Variants in CNTNAP5 observed in about 807,000 individuals in gnomAD.
CNTNAP5 encodes contactin associated protein family member 5.
Under a neutral mutation model 150.2 loss-of-function variants are expected in CNTNAP5, and 72 were observed. The observed-to-expected ratio is 0.48, with a 90% confidence interval of 0.40 to 0.58. The LOEUF (loss-of-function observed/expected upper bound fraction) is 0.58. CNTNAP5 is among the 20% of genes least tolerant of loss of function. The probability of loss-of-function intolerance (pLI) is 0.00; values close to 1 mark genes in which losing one functional copy is unlikely to be tolerated. For synonymous variants in CNTNAP5, 672 were observed against 619.8 expected (o/e 1.08, Z -1.25); for missense variants, 1,636 against 1,626.2 (o/e 1.01, Z -0.10).
intron 1 of CNTNAP5, among the ~76,000 whole-genome samples, chr2:124,071,337 A>T (rs1221342275): frequency 1.3e-5 from 2 of 151,928 alleles, no homozygotes; most frequent in Non-Finnish European, 2.9e-5. Context: ...AATTAGTAAA[A>T]TAAATAATAA....
chr2:124,656,002 G>GAAA (rs1491550991), intron 13 of CNTNAP5, among the ~76,000 whole-genome samples: 78 of 86,424 alleles, frequency 9.0e-4, no homozygotes, highest in East Asian at 2.2e-3. Flanking sequence ...AAAGAAAAAA[G>GAAA]GAAGGAAGGA....
intron 11 of CNTNAP5, among the ~76,000 whole-genome samples, chr2:124,585,992 A>T (rs1193360066): frequency 6.6e-6 from 1 of 152,160 alleles, no homozygotes; most frequent in Non-Finnish European, 1.5e-5. Context: ...CTCACACAGG[A>T]TATGGATCTG....
chr2:124,045,151 G>T (rs1246610415), intron 1 of CNTNAP5, among the ~76,000 whole-genome samples: 1 of 152,070 alleles, frequency 6.6e-6, no homozygotes, highest in Non-Finnish European at 1.5e-5. Context: ...CCCACTTCAA[G>T]ATGCCTCAGG....
At chr2:124,828,711 C>T (rs17393899) in intron 19 of CNTNAP5, among the ~76,000 whole-genome samples, 12,353 of 116,704 alleles carry the variant, frequency 0.11, 760 homozygotes, top group Non-Finnish European at 0.15. Context: ...TACTATATGC[C>T]TTGCAGACCA....
rs1382851004 is a variant in CNTNAP5 at position 124,786,547 on chromosome 2, A to C, written c.2753-3355A>C. ...AGAGAAAGAAAGGAAAGAAAGAGAA[A>C]GGAAAGAAAGAAAGAAGACAGAGAG... On this transcript the variant is annotated intron_variant, in intron 17 of 23. Coordinates refer to ENST00000682447, the MANE Select transcript of CNTNAP5 (RefSeq NM_001367498.1). 2.0e-5 allele frequency among the ~76,000 whole-genome samples: 3 copies of C among 151,370 alleles called. No individual in the cohort carries two copies. In the East Asian group the frequency reaches 5.8e-4, roughly 29 times the overall value.
chr2:124,370,983 AT>A (rs1573949165), intron 3 of CNTNAP5, among the ~76,000 whole-genome samples: 2 of 152,160 alleles, frequency 1.3e-5, no homozygotes, highest in South Asian at 2.1e-4. Flanking sequence ...AGCAAAAAAA[AT>A]GATCTGATTG....
chr2:124,839,564 C>G (rs556534213), intron 19 of CNTNAP5, among the ~76,000 whole-genome samples: 6 of 152,196 alleles, frequency 3.9e-5, no homozygotes, highest in Non-Finnish European at 7.4e-5. Flanking sequence ...TTTTCCACCT[C>G]CAATCCTTCT....
At chr2:124,040,198 T>C (rs1233934949) in intron 1 of CNTNAP5, among the ~76,000 whole-genome samples, 1 of 152,186 alleles carries the variant, frequency 6.6e-6, no homozygotes, top group Non-Finnish European at 1.5e-5. Context: ...TGTGGTTATT[T>C]TTATACCTCT....
At chr2:124,266,178 C>A (rs1318313714) in intron 3 of CNTNAP5, among the ~76,000 whole-genome samples, 1 of 152,150 alleles carries the variant, frequency 6.6e-6, no homozygotes, top group African/African-American at 2.4e-5. Flanking sequence ...AAGGGCCCAT[C>A]CAATGGCCAT....
At chr2:124,578,543 G>A (rs1049504697) in intron 11 of CNTNAP5, among the ~76,000 whole-genome samples, 21 of 152,010 alleles carry the variant, frequency 1.4e-4, no homozygotes, top group African/African-American at 4.6e-4. Flanking sequence ...AGGCCGAGGC[G>A]GTGGATCACT....
At chr2:124,190,492 C>A (rs1685433793) in intron 1 of CNTNAP5, among the ~76,000 whole-genome samples, 1 of 152,120 alleles carries the variant, frequency 6.6e-6, no homozygotes, top group Admixed American at 6.5e-5. Context: ...CCAAGTCTCC[C>A]AACCCAAAAA....
intron 3 of CNTNAP5, among the ~76,000 whole-genome samples, chr2:124,359,407 T>G (rs943243578): frequency 6.6e-6 from 1 of 152,030 alleles, no homozygotes; most frequent in African/African-American, 2.4e-5. Flanking sequence ...AGGGTGTCAA[T>G]TTTGGATCTT....
At chr2:124,499,322 T>C (rs1343094794) in intron 7 of CNTNAP5, among the ~76,000 whole-genome samples, 1 of 152,092 alleles carries the variant, frequency 6.6e-6, no homozygotes, top group East Asian at 1.9e-4. Flanking sequence ...ATAAGAAACA[T>C]AATAGATTTC....
Position 124,145,770 on chromosome 2 carries a change from T to C in CNTNAP5, c.83-75935T>C, listed in dbSNP as rs182634828. 9.3e-3 allele frequency among the ~76,000 whole-genome samples: 1,006 copies of C among 108,116 alleles called. 21 individuals carry two copies. Among genetic ancestry groups the C allele is most frequent in the African/African-American group, 0.037 (960 of 25,658 alleles). 70.9% of individuals were successfully genotyped at this position (108,116 alleles called of 152,430 possible). On this transcript the variant is annotated intron_variant, in intron 1 of 23. Transcript: ENST00000682447. ...GTAACTAACCTGCACAATGTGCACATGTACCCTAAAACTTAAAGTATAATA... is the reference window on the plus strand; with the variant it reads ...GTAACTAACCTGCACAATGTGCACACGTACCCTAAAACTTAAAGTATAATA...
intron 3 of CNTNAP5, among the ~76,000 whole-genome samples, chr2:124,391,218 A>G (rs768479792): frequency 8.5e-5 from 13 of 152,228 alleles, no homozygotes; most frequent in Non-Finnish European, 1.8e-4. Context: ...TACCTGTTAC[A>G]TAACAGATAC....
At chr2:124,452,994 C>T (rs972879386) in intron 6 of CNTNAP5, among the ~76,000 whole-genome samples, 5 of 152,124 alleles carry the variant, frequency 3.3e-5, no homozygotes, top group Admixed American at 2.0e-4. Context: ...AAAAATTACA[C>T]TAGCTTTCCA....
intron 3 of CNTNAP5, among the ~76,000 whole-genome samples, chr2:124,299,946 C>T (rs1410641001): frequency 6.6e-6 from 1 of 152,180 alleles, no homozygotes; most frequent in Non-Finnish European, 1.5e-5. Flanking sequence ...ACCACTCTTG[C>T]TTGCGTCTAC....
chr2:124,663,390 A>C (rs1678633153), intron 13 of CNTNAP5, among the ~76,000 whole-genome samples: 1 of 152,196 alleles, frequency 6.6e-6, no homozygotes, highest in South Asian at 2.1e-4. Flanking sequence ...GTTGCCCCCC[A>C]AAAATAAAAA....
At position 124,411,758 on chromosome 2, in the gene CNTNAP5, C is replaced by T. The variant is rs1324060198; in HGVS notation, c.382-5685C>T. Among the ~76,000 whole-genome samples, 3 of 86,328 alleles carry T rather than the reference C, an allele frequency of 3.5e-5. 1 individual carries two copies. In the South Asian group the frequency reaches 1.4e-3, roughly 40 times the overall value. The allele number at this position is 86,328 out of a possible 152,430, so 56.6% of individuals were successfully genotyped here. A position where few individuals can be genotyped will look rare whatever the true frequency, so the allele number is the denominator to read the frequency against. ...ATAATAAGAGCTATCTATGACAAAC[C>T]CACAGCCAATATCATACTGAATGGG... On this transcript the variant is annotated intron_variant, in intron 3 of 23. Transcript: ENST00000682447.
Sources: gnomAD v4.1 joint callset for allele counts (sites outside exome capture counted in the v4.1 genomes callset) on GRCh38, gnomAD v4.1.1 for gene constraint, MANE v1.5 for transcripts, NCBI Gene and HGNC (gene_info 2026-07-23, HGNC 2026-07-21) for gene names.